Variants in GABBR1 observed in about 807,000 individuals in gnomAD.
GABBR1 encodes gamma-aminobutyric acid type B receptor subunit 1.
Under a neutral mutation model 117.7 loss-of-function variants are expected in GABBR1, and 35 were observed. That is an observed-to-expected ratio of 0.30 (90% CI 0.23 to 0.39). GABBR1 has a LOEUF of 0.39. GABBR1 is among the 10% of genes least tolerant of loss of function. The pLI, the probability that GABBR1 is intolerant of heterozygous loss-of-function variation, is 1.00. For missense variants in GABBR1, 709 were observed against 1,241.8 expected (o/e 0.57, Z 6.45); for synonymous variants, 442 against 486.6 (o/e 0.91, Z 1.21).
Position 29,623,524 on chromosome 6 carries a change from C to T in GABBR1, c.793-49G>A, listed in dbSNP as rs377549723. On this transcript the variant is annotated intron_variant, in intron 7 of 22. Coordinates refer to ENST00000377034, the MANE Select transcript of GABBR1 (RefSeq NM_001470.4). This position sits in a 1 kb window ranked among gnomAD's most constrained non-coding sequence, Gnocchi z 6.2. ...CAACAGGGTCTGTTCACTGAGGACA[C>T]CAAGAGTGGCCAAGAGTTCCTTTAA... 1 of 1,544,092 alleles carries T rather than the reference C, an allele frequency of 6.5e-7. No individual in the cohort carries two copies. Among genetic ancestry groups the T allele is most frequent in the Middle Eastern group, 2.3e-4 (1 of 4,318 alleles).
At chr6:29,608,213 C>T (rs1198208719) in intron 16 of GABBR1, among the ~76,000 whole-genome samples, 17 of 152,294 alleles carry the variant, frequency 1.1e-4, no homozygotes, top group Non-Finnish European at 1.5e-5. Flanking sequence ...ATCTCTGCTT[C>T]TATCCTTCCA....
chr6:29,610,842 A>G (rs1762466274), intron 14 of GABBR1, 82 bp downstream of exon 14: 6 of 1,210,998 alleles, frequency 5.0e-6, no homozygotes, highest in Non-Finnish European at 7.3e-6. Flanking sequence ...AGTCTCTACC[A>G]TTCCATCCTC....
chr6:29,632,554 G>T lies in GABBR1; in HGVS notation c.1-169C>A, dbSNP rs1397617884. ...GGGGGCGGAGCCCCGCGCGGGGTGG[G>T]GGGAGAGGAGGAGAGAAAGCCTGTC... On this transcript the variant is annotated intron_variant, in intron 1 of 22. Coordinates refer to ENST00000377034, the MANE Select transcript of GABBR1 (RefSeq NM_001470.4). This position sits in a 1 kb window ranked among gnomAD's most constrained non-coding sequence, Gnocchi z 5.8. The T allele has an allele frequency of 1.1e-5, 10 of 887,348 alleles. No homozygotes were observed. The highest frequency in any genetic ancestry group is 1.6e-5 in the Non-Finnish European group (10 of 628,720). The allele number at this position is 887,348 out of a possible 1,614,324, so 55.0% of individuals were successfully genotyped here. A position where few individuals can be genotyped will look rare whatever the true frequency, so the allele number is the denominator to read the frequency against.
At chr6:29,617,369 T>C (rs991668382) in intron 11 of GABBR1, among the ~76,000 whole-genome samples, 2 of 149,764 alleles carry the variant, frequency 1.3e-5, no homozygotes, top group Non-Finnish European at 3.0e-5. Flanking sequence ...TAGTGCGATC[T>C]TGGCTCACTG....
rs1189463246 is a variant in GABBR1, at chr6:29,629,059, T to G, written c.496+28A>C. 1.9e-6 allele frequency: 3 copies of G among 1,612,452 alleles called. No homozygotes were observed. The African/African-American group carries it at 4.0e-5, about 22-fold the overall frequency. ...CAGAGTGAAGGGGAGGGCATTGCAG[T>G]GCGCGCGGTAAGGGTTTCTCATCTC... On this transcript the variant is annotated intron_variant, in intron 5 of 22. Transcript: ENST00000377034.
At position 29,624,960 on chromosome 6, in the gene GABBR1, G is replaced by A. The variant is rs577839902; in HGVS notation, c.658-936C>T. Reference sequence around the variant, plus strand: ...CCAGGGCAGAGGGGACACAGACAGGGGGCTCAGGGGACTAAGGAGGGTGAA... The same window carrying A: ...CCAGGGCAGAGGGGACACAGACAGGAGGCTCAGGGGACTAAGGAGGGTGAA... On this transcript the variant is annotated intron_variant, in intron 6 of 22. Coordinates refer to ENST00000377034, the MANE Select transcript of GABBR1 (RefSeq NM_001470.4). Among the ~76,000 whole-genome samples the A allele has an allele frequency of 5.9e-5, 9 of 152,150 alleles. No individual in the cohort carries two copies. In the South Asian group the frequency reaches 1.5e-3, roughly 25 times the overall value.
Position 29,605,597 on chromosome 6 carries a change from G to A in GABBR1, c.2411C>T (p.Ala804Val), listed in dbSNP as rs1203535409. 1 of 1,613,122 alleles carries A rather than the reference G, an allele frequency of 6.2e-7. No homozygotes were observed. The highest frequency in any genetic ancestry group is 2.2e-5 in the East Asian group (1 of 44,890). The change falls in exon 20 of 23, where the codon GCT becomes GTT. Residue 804 changes from alanine (A) to valine (V), a missense_variant. Physicochemically the swap from Ala to Val is moderately conservative, Grantham distance 64. Coordinates refer to ENST00000377034, the MANE Select transcript of GABBR1 (RefSeq NM_001470.4). The surrounding 1 kb of genome is among the most constrained non-coding windows in gnomAD (Gnocchi z 4.2). Reference sequence around the variant, plus strand: ...CACATTGTAGATAGCCATGCCCACAGCCCGGTGATCATTGATCTTCTCAGT... The same window carrying A: ...CACATTGTAGATAGCCATGCCCACAACCCGGTGATCATTGATCTTCTCAGT... ...VSTEKINDHR[A>V]VGMAIYNVAV...
chr6:29,632,335 C>G lies in GABBR1; in HGVS notation c.51G>C (p.Ala17=), dbSNP rs1765080291. The G allele has an allele frequency of 5.8e-6, 8 of 1,368,632 alleles. 2 individuals carry two copies. The South Asian group carries it at 1.1e-4, about 19-fold the overall frequency. 84.8% of individuals were successfully genotyped at this position (1,368,632 alleles called of 1,614,324 possible). Reference sequence around the variant, plus strand: ...TGGCGTTGGGGGTCTGCGCCCCGCCCGCGCCCGGGGGGCGGAGGAAGAGTG... The same window carrying G: ...TGGCGTTGGGGGTCTGCGCCCCGCCGGCGCCCGGGGGGCGGAGGAAGAGTG... ...LAPLFLRPPG[A]GGAQTPNATS... The change falls in exon 2 of 23, where the codon GCG becomes GCC. Residue 17 remains alanine, a synonymous_variant. Transcript: ENST00000377034. This position sits in a 1 kb window ranked among gnomAD's most constrained non-coding sequence, Gnocchi z 5.8.
In GABBR1 at chr6:29,604,684, T is replaced by G; in HGVS notation, c.2569-47A>C. 6.2e-7 allele frequency: 1 copy of G among 1,610,154 alleles called. No homozygotes were observed. Among genetic ancestry groups the G allele is most frequent in the Non-Finnish European group, 8.5e-7 (1 of 1,177,520 alleles). ...TGGGGTGGCCCAGCAAGGACTGTAC[T>G]AGTGACTGGCTGATGGAAGGTTGGA... On this transcript the variant is annotated intron_variant, in intron 21 of 22. Transcript: ENST00000377034. The surrounding 1 kb of genome is among the most constrained non-coding windows in gnomAD (Gnocchi z 5.3).
In GABBR1 at chr6:29,630,945, T is replaced by C. The variant is rs752012907; in HGVS notation, c.290-302A>G. Among the ~76,000 whole-genome samples the C allele has an allele frequency of 2.0e-5, 3 of 152,248 alleles. No homozygotes were observed. The highest frequency in any genetic ancestry group is 2.1e-4 in the South Asian group (1 of 4,838). ...GTTCTCTGGCTTTGAAATATGTAGA[T>C]GTATATAACTTTGGATGCACAATCA... is the stretch of plus-strand genomic sequence containing the variant. On this transcript the variant is annotated intron_variant, in intron 3 of 22. Transcript: ENST00000377034. This position sits in a 1 kb window ranked among gnomAD's most constrained non-coding sequence, Gnocchi z 4.9.
At position 29,606,354 on chromosome 6, in the gene GABBR1, G is replaced by T; in HGVS notation, c.2311+37C>A. 6.8e-7 allele frequency: 1 copy of T among 1,470,152 alleles called. No homozygotes were observed. Among genetic ancestry groups the T allele is most frequent in the Non-Finnish European group, 9.5e-7 (1 of 1,049,800 alleles). 91.1% of individuals were successfully genotyped at this position (1,470,152 alleles called of 1,614,324 possible). On this transcript the variant is annotated intron_variant, in intron 19 of 22. Coordinates refer to ENST00000377034, the MANE Select transcript of GABBR1 (RefSeq NM_001470.4). The surrounding 1 kb of genome is among the most constrained non-coding windows in gnomAD (Gnocchi z 4.5). ...TACCCCTGCCTTCCCTCCTGCCTTT[G>T]TGCATCCCTGCCCTCCTTTGCCCAC...
chr6:29,608,435 G>C, intron 16 of GABBR1, 166 bp downstream of exon 16: 1 of 688,232 alleles, frequency 1.5e-6, no homozygotes, highest in Non-Finnish European at 2.4e-6. Context: ...AGAAAGAAGG[G>C]ACAGAGCCAA....
At chr6:29,629,138 G>A (rs373030026) in intron 4 of GABBR1, 31 bp from the exon 5 acceptor site, 3 of 1,612,870 alleles carry the variant, frequency 1.9e-6, no homozygotes, top group South Asian at 1.1e-5. Flanking sequence ...GATCAGAGAA[G>A]AGTTACCACT....
Position 29,611,200 on chromosome 6 carries a change from A to C in GABBR1, c.1631-199T>G, listed in dbSNP as rs1762505407. On this transcript the variant is annotated intron_variant, in intron 13 of 22. Coordinates refer to ENST00000377034, the MANE Select transcript of GABBR1 (RefSeq NM_001470.4). The surrounding 1 kb of genome is among the most constrained non-coding windows in gnomAD (Gnocchi z 4.6). Reference sequence around the variant, plus strand: ...TAAAAGCAATATAAGGTGGTTCCCAAGACAACTCAAATAAATAAGAATATC... The same window carrying C: ...TAAAAGCAATATAAGGTGGTTCCCACGACAACTCAAATAAATAAGAATATC... The C allele has an allele frequency of 1.9e-6, 1 of 514,070 alleles. No individual in the cohort carries two copies. The highest frequency in any genetic ancestry group is 3.0e-5 in the East Asian group (1 of 33,734). The allele number at this position is 514,070 out of a possible 1,614,324, so 31.8% of individuals were successfully genotyped here. A position where few individuals can be genotyped will look rare whatever the true frequency, so the allele number is the denominator to read the frequency against.
In GABBR1 at chr6:29,631,369, AG is replaced by A. The variant is rs746622139; in HGVS notation, c.289+26del. 1 of 1,607,384 alleles carries A rather than the reference AG, an allele frequency of 6.2e-7. No homozygotes were observed. Among genetic ancestry groups the A allele is most frequent in the Non-Finnish European group, 8.5e-7 (1 of 1,174,516 alleles). ...GGCAGGAAAAGGAATAGTCTTGAAG[AG>A]GGGAGGGGCTTCCGAGGCTACTCAC... On this transcript the variant is annotated intron_variant, in intron 3 of 22. Coordinates refer to ENST00000377034, the MANE Select transcript of GABBR1 (RefSeq NM_001470.4). This position sits in a 1 kb window ranked among gnomAD's most constrained non-coding sequence, Gnocchi z 5.9.
At position 29,632,637 on chromosome 6, in the gene GABBR1, A is replaced by T; in HGVS notation, c.-1+213T>A. ...CCCTCCCGGGACTCCACCTCTCACC[A>T]CCTCCTCTCCCCCGGCCCCCGCGGC... On this transcript the variant is annotated intron_variant, in intron 1 of 22. Coordinates refer to ENST00000377034, the MANE Select transcript of GABBR1 (RefSeq NM_001470.4). The surrounding 1 kb of genome is among the most constrained non-coding windows in gnomAD (Gnocchi z 5.8). 2 of 1,341,146 alleles carry T rather than the reference A, an allele frequency of 1.5e-6. No homozygotes were observed. Among genetic ancestry groups the T allele is most frequent in the Non-Finnish European group, 2.0e-6 (2 of 1,020,870 alleles). The allele number at this position is 1,341,146 out of a possible 1,614,324, so 83.1% of individuals were successfully genotyped here. A position where few individuals can be genotyped will look rare whatever the true frequency, so the allele number is the denominator to read the frequency against.
At position 29,615,546 on chromosome 6, in the gene GABBR1, T is replaced by C. The variant is rs141870107; in HGVS notation, c.1324-2061A>G. The stretch of plus-strand genomic sequence containing the variant: ...ATCGCTTGAACTCAAGAGGCAGAGG[T>C]TGCAGTGAGCAGAGATCACGCCACT... On this transcript the variant is annotated intron_variant, in intron 11 of 22. Transcript: ENST00000377034. Among the ~76,000 whole-genome samples the C allele has an allele frequency of 8.7e-3, 1,287 of 148,004 alleles. 23 individuals carry two copies. The highest frequency in any genetic ancestry group is 0.059 in the South Asian group (274 of 4,664).
At chr6:29,616,685 G>A (rs1355798257) in intron 11 of GABBR1, among the ~76,000 whole-genome samples, 13 of 145,816 alleles carry the variant, frequency 8.9e-5, no homozygotes, top group African/African-American at 1.8e-4. Context: ...ACTCTATCTC[G>A]AGAAAAAAAA....
In GABBR1 at chr6:29,631,913, T is replaced by TA. The variant is rs3215531; in HGVS notation, c.86-315dup. On this transcript the variant is annotated intron_variant, in intron 2 of 22. Transcript: ENST00000377034. The surrounding 1 kb of genome is among the most constrained non-coding windows in gnomAD (Gnocchi z 5.9). The stretch of plus-strand genomic sequence containing the variant: ...ATGATATGTGGGTGGAGCTTTTCTT[T>TA]AAAAAAAAAGGCTAAATGAGGATAT... Among the ~76,000 whole-genome samples, 1,702 of 150,304 alleles carry TA rather than the reference T, an allele frequency of 0.011. 9 individuals carry two copies. Among genetic ancestry groups the TA allele is most frequent in the Middle Eastern group, 0.034 (10 of 292 alleles).
Sources: gnomAD v4.1 joint callset for allele counts (sites outside exome capture counted in the v4.1 genomes callset) on GRCh38, gnomAD v4.1.1 for gene constraint, Gnocchi (gnomAD v3.1) non-coding constraint, MANE v1.5 for transcripts, NCBI Gene and HGNC (gene_info 2026-07-23, HGNC 2026-07-21) for gene names.